Variants in UGGT2 observed in about 807,000 individuals in gnomAD.
The protein encoded by UGGT2 is UDP-glucose glycoprotein glucosyltransferase 2.
A neutral mutation model predicts 192.1 loss-of-function variants in UGGT2; 180 were observed. That is an observed-to-expected ratio of 0.94 (90% CI 0.83 to 1.06). The LOEUF (loss-of-function observed/expected upper bound fraction) is 1.06, where lower values mean the gene tolerates loss of function less well. Among genes scored for constraint, UGGT2 ranks in the 50% least tolerant of loss-of-function variants. The pLI is 0.00. For synonymous variants in UGGT2, 580 were observed against 591.0 expected (o/e 0.98, Z 0.27); for missense variants, 1,849 against 1,795.7 (o/e 1.03, Z -0.54).
At chr13:95,931,934 G>A (rs113682205) in intron 17 of UGGT2, among the ~76,000 whole-genome samples, 2,513 of 152,298 alleles carry the variant, frequency 0.017, 28 homozygotes, top group South Asian at 0.029. Context: ...CAGAGCGGAC[G>A]CCGAGGGCAA....
At chr13:95,947,909 A>G in intron 14 of UGGT2, 87 bp downstream of exon 14, 1 of 1,079,772 alleles carries the variant, frequency 9.3e-7, no homozygotes, top group Admixed American at 2.1e-5. Flanking sequence ...ATCGCTTTGA[A>G]TGCCCTATTA....
chr13:95,866,163 A>G (rs1890636339), intron 30 of UGGT2, among the ~76,000 whole-genome samples: 2 of 152,098 alleles, frequency 1.3e-5, no homozygotes, highest in East Asian at 1.9e-4. Flanking sequence ...TGTTAAAGCT[A>G]TCTACTATTA....
chr13:96,027,321 T>C (rs2052699152), intron 2 of UGGT2, among the ~76,000 whole-genome samples: 1 of 152,184 alleles, frequency 6.6e-6, no homozygotes, highest in Non-Finnish European at 1.5e-5. Flanking sequence ...TAGTAATGAA[T>C]GTAGGATTCA....
chr13:95,960,327 C>T (rs1003981569), intron 12 of UGGT2, among the ~76,000 whole-genome samples: 4 of 152,022 alleles, frequency 2.6e-5, no homozygotes, highest in Non-Finnish European at 5.9e-5. Context: ...TACTTTAAAA[C>T]AATCCAAAAA....
At chr13:95,886,747 A>G (rs148182833) in intron 26 of UGGT2, among the ~76,000 whole-genome samples, 64 of 152,294 alleles carry the variant, frequency 4.2e-4, no homozygotes, top group Non-Finnish European at 9.1e-4. Flanking sequence ...ACTTAGGTTT[A>G]AAATGCCTGC....
chr13:95,935,414 A>G (rs2389568), intron 17 of UGGT2, among the ~76,000 whole-genome samples: 147,953 of 152,316 alleles, frequency 0.97, 72,010 homozygotes, highest in East Asian at 1. Context: ...TTTACTTCTC[A>G]TTCACTTATG....
rs763999611 is a variant in UGGT2 at position 95,856,220 on chromosome 13, G to T, written c.3946C>A (p.Leu1316Ile). The change falls in exon 34 of 39, where the codon CTT becomes ATT. Residue 1316 changes from leucine to isoleucine, a missense_variant. Coordinates refer to ENST00000376747, the MANE Select transcript of UGGT2 (RefSeq NM_020121.4). ...RQRIIWGYKI[L>I]FLDVLFPLAV... is the part of the protein sequence containing the mutation. ...AGTGGGAAAAGAACATCAAGGAAAA[G>T]AATTTTGTAACCCCAAATAATCCTC... 34 of 1,613,356 alleles carry T rather than the reference G, an allele frequency of 2.1e-5. No individual in the cohort carries two copies. In the African/African-American group the frequency reaches 4.1e-4, roughly 20 times the overall value.
intron 1 of UGGT2, among the ~76,000 whole-genome samples, chr13:96,050,524 A>G (rs1265372850): frequency 6.6e-6 from 1 of 152,220 alleles, no homozygotes; most frequent in African/African-American, 2.4e-5. Context: ...AAAAGAAACT[A>G]CCATCAGAGT....
At chr13:95,996,977 T>A (rs776465213) in intron 6 of UGGT2, among the ~76,000 whole-genome samples, 1 of 152,176 alleles carries the variant, frequency 6.6e-6, no homozygotes, top group East Asian at 1.9e-4. Flanking sequence ...TTTAGGATCA[T>A]AAAGACTGTG....
intron 12 of UGGT2, among the ~76,000 whole-genome samples, chr13:95,957,188 A>T (rs1029091448): frequency 2.2e-4 from 33 of 152,324 alleles, no homozygotes; most frequent in South Asian, 4.1e-4. Flanking sequence ...TGGGGATTTA[A>T]TGTTTAATGT....
rs140750488 is a variant in UGGT2 at position 95,866,032 on chromosome 13, CGT to C, written c.3558+1305_3558+1306del. Among the ~76,000 whole-genome samples, 542 of 149,744 alleles carry C rather than the reference CGT, an allele frequency of 3.6e-3. 3 individuals carry two copies. The highest frequency in any genetic ancestry group is 0.011 in the African/African-American group (468 of 41,014). ...TGGTAATCTTAGACTTTCACACTAG[CGT>C]GTGTGTGTGTGTGTGTGTTAATGCT... On this transcript the variant is annotated intron_variant, in intron 30 of 38. Coordinates refer to ENST00000376747, the MANE Select transcript of UGGT2 (RefSeq NM_020121.4).
At chr13:95,907,311 T>G (rs2048324653) in intron 20 of UGGT2, among the ~76,000 whole-genome samples, 1 of 152,176 alleles carries the variant, frequency 6.6e-6, no homozygotes, top group Non-Finnish European at 1.5e-5. Context: ...GCCTCTAAAC[T>G]CCACCTGTGT....
chr13:96,017,139 T>TG (rs2052364176), intron 4 of UGGT2, among the ~76,000 whole-genome samples: 1 of 152,186 alleles, frequency 6.6e-6, no homozygotes. Context: ...GTAAATAACT[T>TG]GTTTTGATTT....
At chr13:96,037,753 C>T (rs2053046922) in intron 1 of UGGT2, among the ~76,000 whole-genome samples, 1 of 152,200 alleles carries the variant, frequency 6.6e-6, no homozygotes, top group Admixed American at 6.5e-5. Flanking sequence ...CTCCTTCAAC[C>T]TATTCAATGC....
Position 96,008,013 on chromosome 13 carries a change from CTCACCATATACAAATA to C in UGGT2, c.660+5278_660+5293del, listed in dbSNP as rs558716506. On this transcript the variant is annotated intron_variant, in intron 5 of 38. Transcript: ENST00000376747. ...AATGAAACTAACTAGACCACTATCT[CTCACCATATACAAATA>C]TCAAATCAAAATTGATTGAAGACTC... is the stretch of plus-strand genomic sequence containing the variant. Among the ~76,000 whole-genome samples the C allele has an allele frequency of 9.8e-5, 15 of 152,296 alleles. No individual in the cohort carries two copies. The South Asian group carries it at 3.1e-3, about 32-fold the overall frequency.
chr13:96,035,836 T>G (rs571113675), intron 1 of UGGT2, among the ~76,000 whole-genome samples: 2 of 152,276 alleles, frequency 1.3e-5, no homozygotes, highest in Admixed American at 1.3e-4. Flanking sequence ...ATTAGAGAAC[T>G]GCAAATCAAA....
intron 20 of UGGT2, among the ~76,000 whole-genome samples, chr13:95,921,553 G>A (rs1286594341): frequency 1.6e-4 from 24 of 151,726 alleles, no homozygotes. Context: ...AACATTAACT[G>A]GCTAGTAAAC....
chr13:95,867,081 TTATTTGGCTA>T (rs1890736146), intron 30 of UGGT2, among the ~76,000 whole-genome samples: 2 of 152,090 alleles, frequency 1.3e-5, no homozygotes, highest in Non-Finnish European at 2.9e-5. Context: ...ATTTGTAATG[TTATTTGGCTA>T]CAGATAGATT....
chr13:95,856,083 G>T, intron 34 of UGGT2, 75 bp downstream of exon 34: 1 of 1,194,186 alleles, frequency 8.4e-7, no homozygotes. Context: ...TGAGCAACAT[G>T]AATTAATCTC....
Sources: allele counts gnomAD v4.1 joint callset (sites outside exome capture counted in the v4.1 genomes callset), GRCh38; gene constraint gnomAD v4.1.1; transcripts MANE v1.5; gene names NCBI Gene and HGNC (gene_info 2026-07-23, HGNC 2026-07-21).